The following MAST2 variants were observed in gnomAD, a reference collection of about 807,000 sequenced individuals.
MAST2 encodes microtubule-associated serine/threonine-protein kinase 2.
MAST2 carries 70 observed loss-of-function variants against 147.4 expected under a neutral mutation model. The ratio of observed to expected loss-of-function variants is 0.47; its 90% CI spans 0.39 to 0.58. MAST2 has a LOEUF of 0.58. Ranked by LOEUF, MAST2 falls within the 20% of genes least tolerant of loss-of-function variation. The probability of loss-of-function intolerance (pLI) is 0.00; values close to 1 mark genes in which losing one functional copy is unlikely to be tolerated. For missense variants in MAST2, 2,080 were observed against 2,302.3 expected (o/e 0.90, Z 1.98); for synonymous variants, 869 against 896.8 (o/e 0.97, Z 0.55).
intron 16 of MAST2, among the ~76,000 whole-genome samples, chr1:46,026,271 A>T (rs1288750513): frequency 1.3e-5 from 2 of 152,198 alleles, no homozygotes; most frequent in Admixed American, 1.3e-4. Context: ...AAAAAGGAAG[A>T]CCTGCTTTCT....
At chr1:45,821,680 A>T in intron 1 of MAST2, among the ~76,000 whole-genome samples, 1 of 149,276 alleles carries the variant, frequency 6.7e-6, no homozygotes, top group East Asian at 2.0e-4. Flanking sequence ...CCACCACGCC[A>T]GCTGATTTTT....
intron 6 of MAST2, among the ~76,000 whole-genome samples, chr1:45,999,541 C>T (rs1042611955): frequency 6.6e-6 from 1 of 152,112 alleles, no homozygotes; most frequent in Non-Finnish European, 1.5e-5. Flanking sequence ...TAGAGTCAGG[C>T]GCACTCGGCT....
intron 4 of MAST2, among the ~76,000 whole-genome samples, chr1:45,922,553 C>T (rs1404435668): frequency 3.3e-5 from 5 of 152,208 alleles, no homozygotes; most frequent in Admixed American, 1.3e-4. Context: ...TGGGCTGTGA[C>T]AGCTCCCGGG....
intron 5 of MAST2, among the ~76,000 whole-genome samples, chr1:45,964,650 A>G (rs541857299): frequency 2.0e-5 from 3 of 152,102 alleles, no homozygotes; most frequent in African/African-American, 7.2e-5. Flanking sequence ...AATTTTGTTG[A>G]TCTTTTCAAA....
At chr1:45,827,108 G>A (rs985582716) in intron 2 of MAST2, among the ~76,000 whole-genome samples, 2 of 152,126 alleles carry the variant, frequency 1.3e-5, no homozygotes, top group Admixed American at 1.3e-4. Context: ...AATTACAGGC[G>A]GGAGCCACCA....
rs536934176 is a variant in MAST2 at position 46,023,702 on chromosome 1, G to C, written c.1572-70G>C. The C allele has an allele frequency of 7.0e-7, 1 of 1,436,786 alleles. No individual in the cohort carries two copies. Among genetic ancestry groups the C allele is most frequent in the African/African-American group, 1.4e-5 (1 of 71,478 alleles). 89.0% of individuals were successfully genotyped at this position (1,436,786 alleles called of 1,614,324 possible). On this transcript the variant is annotated intron_variant, in intron 14 of 28. Coordinates refer to ENST00000361297, the MANE Select transcript of MAST2 (RefSeq NM_015112.3). This position sits in a 1 kb window ranked among gnomAD's most constrained non-coding sequence, Gnocchi z 4.9. ...ATTAATTAAGGTGTGAGAGAAGGCA[G>C]TTTGGGTGGCAGAGAGCACAGCTCA...
At chr1:45,925,513 A>C (rs1045349815) in intron 4 of MAST2, among the ~76,000 whole-genome samples, 2 of 152,156 alleles carry the variant, frequency 1.3e-5, no homozygotes, top group African/African-American at 4.8e-5. Context: ...TTTGTGTTGT[A>C]AGTGGTGTCC....
At chr1:45,841,171 C>G (rs189506658) in intron 3 of MAST2, among the ~76,000 whole-genome samples, 1 of 152,146 alleles carries the variant, frequency 6.6e-6, no homozygotes, top group Admixed American at 6.5e-5. Flanking sequence ...CCAGGCTGGT[C>G]TCAAACTTCT....
intron 4 of MAST2, among the ~76,000 whole-genome samples, chr1:45,899,307 C>CTTTTTTTT (rs770069959): frequency 1.4e-3 from 147 of 107,908 alleles, no homozygotes; most frequent in African/African-American, 4.3e-3. Context: ...CCTTTCTTTT[C>CTTTTTTTT]TTTTTTTTTT....
intron 2 of MAST2, among the ~76,000 whole-genome samples, chr1:45,826,297 G>C (rs764873300): frequency 1.8e-4 from 28 of 152,064 alleles, no homozygotes; most frequent in Non-Finnish European, 3.4e-4. Context: ...CTTACTTTAT[G>C]ACTTTTGGGG....
intron 3 of MAST2, among the ~76,000 whole-genome samples, chr1:45,853,337 A>G (rs1645682030): frequency 6.6e-6 from 1 of 152,142 alleles, no homozygotes; most frequent in South Asian, 2.1e-4. Context: ...TTTGCATAAC[A>G]CATTTATTAA....
chr1:45,977,028 T>G (rs957021260), intron 5 of MAST2, among the ~76,000 whole-genome samples: 3 of 152,244 alleles, frequency 2.0e-5, no homozygotes, highest in Admixed American at 6.5e-5. Flanking sequence ...AAAACGTGGC[T>G]CTTCACAAGA....
chr1:45,936,474 G>A (rs1241249155), intron 4 of MAST2, among the ~76,000 whole-genome samples: 1 of 149,286 alleles, frequency 6.7e-6, no homozygotes, highest in East Asian at 2.0e-4. Flanking sequence ...TTTTTGCCCA[G>A]CATGATGTTA....
At chr1:45,859,096 C>G (rs1645892171) in intron 3 of MAST2, among the ~76,000 whole-genome samples, 1 of 152,086 alleles carries the variant, frequency 6.6e-6, no homozygotes, top group South Asian at 2.1e-4. Flanking sequence ...AATGCGGGCC[C>G]TTTTTTGGTT....
chr1:45,856,620 CT>C (rs772813260), intron 3 of MAST2, among the ~76,000 whole-genome samples: 1 of 152,100 alleles, frequency 6.6e-6, no homozygotes, highest in Non-Finnish European at 1.5e-5. Flanking sequence ...AACGTTCTGT[CT>C]TTTGAAAAGA....
chr1:45,826,282 C>T (rs1226473087), intron 2 of MAST2, among the ~76,000 whole-genome samples: 2 of 152,058 alleles, frequency 1.3e-5, no homozygotes, highest in African/African-American at 4.8e-5. Flanking sequence ...GATTGCAGCT[C>T]GTGTCTTACT....
chr1:45,826,551 C>T (rs1644798725), intron 2 of MAST2, among the ~76,000 whole-genome samples: 1 of 151,956 alleles, frequency 6.6e-6, no homozygotes, highest in Non-Finnish European at 1.5e-5. Flanking sequence ...GGGGGTTTCG[C>T]CATGTTGCCC....
At chr1:45,818,496 T>G (rs1644523763) in intron 1 of MAST2, among the ~76,000 whole-genome samples, 1 of 152,192 alleles carries the variant, frequency 6.6e-6, no homozygotes, top group Non-Finnish European at 1.5e-5. Context: ...AAATGATGAT[T>G]ATTTGATTTT....
intron 5 of MAST2, among the ~76,000 whole-genome samples, chr1:45,964,685 T>C (rs1298247745): frequency 6.6e-6 from 1 of 152,188 alleles, no homozygotes; most frequent in Non-Finnish European, 1.5e-5. Flanking sequence ...ATTCACTGAT[T>C]TTTTTGAAGG....
Sources: allele counts gnomAD v4.1 joint callset (sites outside exome capture counted in the v4.1 genomes callset), GRCh38; gene constraint gnomAD v4.1.1; non-coding constraint Gnocchi (gnomAD v3.1); transcripts MANE v1.5; gene names NCBI Gene and HGNC (gene_info 2026-07-23, HGNC 2026-07-21).